LZTFL1: variants seen among roughly 807,000 people sequenced by gnomAD.
The protein encoded by LZTFL1 is leucine zipper transcription factor like 1, also known as leucine zipper transcription factor-like protein 1.
Under a neutral mutation model 45.9 loss-of-function variants are expected in LZTFL1, and 25 were observed. That is an observed-to-expected ratio of 0.54 (90% CI 0.40 to 0.76). The LOEUF is 0.76. LZTFL1 is among the 30% of genes least tolerant of loss of function. The pLI is 0.00. For synonymous variants in LZTFL1, 93 were observed against 117.4 expected (o/e 0.79, Z 1.35); for missense variants, 277 against 331.1 (o/e 0.84, Z 1.27).
intron 2 of LZTFL1, among the ~76,000 whole-genome samples, chr3:45,890,857 A>G (rs1432995699): frequency 6.6e-6 from 1 of 152,250 alleles, no homozygotes. Context: ...AATGCCAGGT[A>G]GCTGATGCCT....
At chr3:45,826,401 T>G (rs986588800) in intron 9 of LZTFL1, 69 bp from the exon 10 acceptor site, 2 of 1,232,040 alleles carry the variant, frequency 1.6e-6, no homozygotes, top group Non-Finnish European at 1.2e-6. Context: ...ATAAGTTTAC[T>G]TGAAGCAGTG....
At chr3:45,885,460 G>T (rs572537964) in intron 2 of LZTFL1, among the ~76,000 whole-genome samples, 1 of 152,240 alleles carries the variant, frequency 6.6e-6, no homozygotes, top group East Asian at 1.9e-4. Context: ...ACAATTTATT[G>T]TATTATCTTT....
At chr3:45,889,197 C>G (rs1285377281) in intron 2 of LZTFL1, among the ~76,000 whole-genome samples, 1 of 152,086 alleles carries the variant, frequency 6.6e-6, no homozygotes, top group African/African-American at 2.4e-5. Flanking sequence ...GTTGCCCAGG[C>G]TGATCTCAAA....
chr3:45,830,036 G>A (rs1286054908), intron 7 of LZTFL1, among the ~76,000 whole-genome samples: 2 of 152,204 alleles, frequency 1.3e-5, no homozygotes, highest in Admixed American at 6.5e-5. Context: ...AATGAAACCA[G>A]ACTGGCCATG....
At chr3:45,834,419 C>G in intron 3 of LZTFL1, 121 bp from the exon 4 acceptor site, 1 of 574,596 alleles carries the variant, frequency 1.7e-6, no homozygotes, top group Non-Finnish European at 3.1e-6. Flanking sequence ...CAAGATGGAC[C>G]AAACTTCACC....
At chr3:45,893,369 G>T (rs777461932) in intron 2 of LZTFL1, among the ~76,000 whole-genome samples, 2 of 152,044 alleles carry the variant, frequency 1.3e-5, no homozygotes, top group Non-Finnish European at 2.9e-5. Flanking sequence ...TGGCCAGACT[G>T]GTCTCGAACT....
chr3:45,831,051 T>C (rs776264505), intron 6 of LZTFL1, 22 bp downstream of exon 6: 3 of 1,607,382 alleles, frequency 1.9e-6, no homozygotes, highest in South Asian at 1.1e-5. Context: ...TCAATAATTG[T>C]GTCAAAACAT....
At chr3:45,864,765 T>C (rs1430627990) in intron 2 of LZTFL1, among the ~76,000 whole-genome samples, 1 of 152,138 alleles carries the variant, frequency 6.6e-6, no homozygotes, top group Non-Finnish European at 1.5e-5. Flanking sequence ...GCTGACCAAG[T>C]GAGTGCTGCA....
intron 2 of LZTFL1, among the ~76,000 whole-genome samples, chr3:45,874,362 C>T (rs193113249): frequency 6.6e-4 from 100 of 152,262 alleles, no homozygotes; most frequent in Non-Finnish European, 1.4e-3. Flanking sequence ...GCTGCTAAGT[C>T]CTTTATTTAA....
intron 2 of LZTFL1, among the ~76,000 whole-genome samples, chr3:45,899,039 G>A (rs1222028672): frequency 6.6e-6 from 1 of 152,152 alleles, no homozygotes; most frequent in African/African-American, 2.4e-5. Flanking sequence ...GGTGGCACAC[G>A]CCTGTAATCC....
intron 2 of LZTFL1, among the ~76,000 whole-genome samples, chr3:45,882,692 G>A (rs975993580): frequency 6.6e-6 from 1 of 152,108 alleles, no homozygotes; most frequent in Non-Finnish European, 1.5e-5. Context: ...TCTTTTCTCT[G>A]TTACAGGTAT....
At chr3:45,898,561 C>G (rs910371774) in intron 2 of LZTFL1, among the ~76,000 whole-genome samples, 1 of 152,232 alleles carries the variant, frequency 6.6e-6, no homozygotes, top group Non-Finnish European at 1.5e-5. Flanking sequence ...CTGGGTCCCT[C>G]TCTTTGCAAT....
At chr3:45,831,735 A>T (rs1436373785) in intron 5 of LZTFL1, among the ~76,000 whole-genome samples, 1 of 151,512 alleles carries the variant, frequency 6.6e-6, no homozygotes, top group Non-Finnish European at 1.5e-5. Context: ...TGCCCAACAC[A>T]CTCACTTCTC....
upstream of LZTFL1, among the ~76,000 whole-genome samples, chr3:45,846,462 C>A (rs1701218748): frequency 6.6e-6 from 1 of 152,090 alleles, no homozygotes; most frequent in African/African-American, 2.4e-5. Flanking sequence ...GGTGCTGACC[C>A]CATGCACAGT....
chr3:45,881,621 GT>G (rs1159640098), intron 2 of LZTFL1, among the ~76,000 whole-genome samples: 2 of 152,274 alleles, frequency 1.3e-5, no homozygotes, highest in East Asian at 3.9e-4. Context: ...TCCTTTAAGG[GT>G]TTTGATTACT....
chr3:45,838,988 A>G (rs551884982), intron 1 of LZTFL1, among the ~76,000 whole-genome samples: 3 of 152,388 alleles, frequency 2.0e-5, no homozygotes, highest in African/African-American at 7.2e-5. Context: ...ATTAGAGACA[A>G]TATTATCTCT....
rs1327572799 is a variant in LZTFL1 at position 45,900,530 on chromosome 3, G to T, written c.-215+12590C>A. 6.6e-6 allele frequency among the ~76,000 whole-genome samples: 1 copy of T among 152,148 alleles called. No homozygotes were observed. The highest frequency in any genetic ancestry group is 1.5e-5 in the Non-Finnish European group (1 of 68,024). ...ATTTGCGTGTCTGGTTGCTCTATGG[G>T]TAGGTAAGTTTCCTGAGAGTGAAGC... On this transcript the variant is annotated intron_variant, in intron 2 of 4. Coordinates refer to the LZTFL1 transcript ENST00000472635. This position sits in a 1 kb window ranked among gnomAD's most constrained non-coding sequence, Gnocchi z 4.7.
intron 2 of LZTFL1, among the ~76,000 whole-genome samples, chr3:45,890,337 C>CATATATATATTTATATAAAT (rs1559421614): frequency 1.6e-5 from 1 of 63,154 alleles, no homozygotes; most frequent in African/African-American, 1.3e-4. Context: ...ATATATATAA[C>CATATATATATTTATATAAAT]ATATATATAT....
chr3:45,833,683 A>G (rs1700891907), intron 4 of LZTFL1, among the ~76,000 whole-genome samples: 1 of 152,220 alleles, frequency 6.6e-6, no homozygotes, highest in Admixed American at 6.5e-5. Context: ...GAATAACTGG[A>G]AAGTATTTTG....
Sources: allele counts gnomAD v4.1 joint callset (sites outside exome capture counted in the v4.1 genomes callset), GRCh38; gene constraint gnomAD v4.1.1; non-coding constraint Gnocchi (gnomAD v3.1); transcripts MANE v1.5; gene names NCBI Gene and HGNC (gene_info 2026-07-23, HGNC 2026-07-21).